The following SLC24A2 variants were observed in gnomAD, a reference collection of about 807,000 sequenced individuals.
SLC24A2 encodes solute carrier family 24 member 2, also known as sodium/potassium/calcium exchanger 2.
In SLC24A2, 36 loss-of-function variants were observed where a neutral mutation model predicts 62.0. The ratio of observed to expected loss-of-function variants is 0.58; its 90% CI spans 0.44 to 0.77. The LOEUF is 0.77. Among genes scored for constraint, SLC24A2 ranks in the 30% least tolerant of loss-of-function variants. The probability of loss-of-function intolerance (pLI) is 0.00; values close to 1 mark genes in which losing one functional copy is unlikely to be tolerated. For synonymous variants in SLC24A2, 358 were observed against 294.0 expected (o/e 1.22, Z -2.23); for missense variants, 846 against 817.9 (o/e 1.03, Z -0.42).
the SLC24A2 span, among the ~76,000 whole-genome samples, chr9:19,829,587 T>C: frequency 6.6e-6 from 1 of 151,614 alleles, no homozygotes; most frequent in African/African-American, 2.4e-5. Flanking sequence ...AACTATAAGC[T>C]GGGCATCGTG....
At chr9:19,776,773 T>C (rs566663036) in intron 2 of SLC24A2, among the ~76,000 whole-genome samples, 1 of 152,350 alleles carries the variant, frequency 6.6e-6, no homozygotes, top group South Asian at 2.1e-4. Flanking sequence ...GTCTTCTGTT[T>C]AGGGTGAATG....
At chr9:19,641,263 C>T (rs1432994608) in intron 2 of SLC24A2, among the ~76,000 whole-genome samples, 3 of 152,254 alleles carry the variant, frequency 2.0e-5, no homozygotes, top group Non-Finnish European at 4.4e-5. Context: ...CTTGTGTTCT[C>T]ACACAATCCC....
intron 2 of SLC24A2, among the ~76,000 whole-genome samples, chr9:19,713,260 G>C (rs1172362475): frequency 6.6e-6 from 1 of 152,022 alleles, no homozygotes; most frequent in Non-Finnish European, 1.5e-5. Flanking sequence ...CATTTGTAAA[G>C]TCAAAAGAGA....
chr9:19,792,717 A>AG (rs1460956305), upstream of SLC24A2, among the ~76,000 whole-genome samples: 1 of 151,576 alleles, frequency 6.6e-6, no homozygotes, highest in East Asian at 1.9e-4. Flanking sequence ...TCAAAAAAAA[A>AG]AGATAGGATA....
At chr9:20,258,185 A>G in the SLC24A2 span, among the ~76,000 whole-genome samples, 1 of 152,322 alleles carries the variant, frequency 6.6e-6, no homozygotes, top group East Asian at 1.9e-4. Context: ...TCTTTGCCAA[A>G]TGATTAAATT....
chr9:20,084,286 T>C, the SLC24A2 span, among the ~76,000 whole-genome samples: 2 of 152,228 alleles, frequency 1.3e-5, no homozygotes, highest in Non-Finnish European at 2.9e-5. Flanking sequence ...TGTAGTGGTG[T>C]GCTAGAGTTA....
intron 2 of SLC24A2, among the ~76,000 whole-genome samples, chr9:19,741,584 CT>C (rs1211434222): frequency 6.6e-6 from 1 of 152,160 alleles, no homozygotes; most frequent in Admixed American, 6.5e-5. Context: ...CAGCTGCTTC[CT>C]GCAATTCTAC....
chr9:19,676,724 A>G (rs1819572283), intron 2 of SLC24A2, among the ~76,000 whole-genome samples: 1 of 152,228 alleles, frequency 6.6e-6, no homozygotes, highest in Admixed American at 6.5e-5. Context: ...TGTCACATAA[A>G]AAACGGATAC....
the SLC24A2 span, among the ~76,000 whole-genome samples, chr9:20,179,155 G>A: frequency 1.3e-5 from 2 of 152,126 alleles, no homozygotes; most frequent in South Asian, 2.1e-4. Flanking sequence ...TGGAAGAGAA[G>A]ACCGTAGAAA....
the SLC24A2 span, among the ~76,000 whole-genome samples, chr9:19,839,985 GT>G: frequency 6.6e-6 from 1 of 152,154 alleles, no homozygotes; most frequent in Non-Finnish European, 1.5e-5. Flanking sequence ...TACACTCTGT[GT>G]TGTTTGAACA....
chr9:19,791,485 A>T (rs1169196516), upstream of SLC24A2, among the ~76,000 whole-genome samples: 1 of 152,088 alleles, frequency 6.6e-6, no homozygotes, highest in East Asian at 1.9e-4. Context: ...GGGAGTGACT[A>T]CTCCTACACA....
At chr9:20,296,596 C>T in the SLC24A2 span, among the ~76,000 whole-genome samples, 1 of 152,240 alleles carries the variant, frequency 6.6e-6, no homozygotes, top group South Asian at 2.1e-4. Flanking sequence ...CCTCTCTTTG[C>T]ACATCTGCAT....
At chr9:20,048,823 A>G in the SLC24A2 span, among the ~76,000 whole-genome samples, 1 of 152,038 alleles carries the variant, frequency 6.6e-6, no homozygotes, top group Non-Finnish European at 1.5e-5. Context: ...ATCTTCCCAG[A>G]AAAATTTAGA....
At chr9:20,036,608 T>C in the SLC24A2 span, among the ~76,000 whole-genome samples, 1 of 152,206 alleles carries the variant, frequency 6.6e-6, no homozygotes, top group Non-Finnish European at 1.5e-5. Context: ...GCGTCTGTCT[T>C]ATTTCACTTA....
the SLC24A2 span, among the ~76,000 whole-genome samples, chr9:19,826,810 A>G: frequency 6.6e-6 from 1 of 152,128 alleles, no homozygotes; most frequent in Non-Finnish European, 1.5e-5. Context: ...AGGGAATGCA[A>G]ACACTCAAAC....
intron 7 of SLC24A2, among the ~76,000 whole-genome samples, chr9:19,569,113 G>C (rs1242956190): frequency 6.6e-6 from 1 of 152,128 alleles, no homozygotes; most frequent in African/African-American, 2.4e-5. Flanking sequence ...AACTAAGGAT[G>C]GGCAAACGTT....
At chr9:19,783,344 T>C (rs936681103) in intron 2 of SLC24A2, among the ~76,000 whole-genome samples, 16 of 152,250 alleles carry the variant, frequency 1.1e-4, no homozygotes, top group Admixed American at 9.8e-4. Context: ...CATGAAAACA[T>C]GCTTAGTATT....
At chr9:19,913,280 T>C in the SLC24A2 span, among the ~76,000 whole-genome samples, 1 of 152,188 alleles carries the variant, frequency 6.6e-6, no homozygotes, top group East Asian at 1.9e-4. Context: ...ATACCAGTCA[T>C]TTTTTTGTTT....
At chr9:20,106,885 A>G in the SLC24A2 span, among the ~76,000 whole-genome samples, 39 of 152,278 alleles carry the variant, frequency 2.6e-4, no homozygotes, top group African/African-American at 9.1e-4. Flanking sequence ...AGGGTATTCA[A>G]TTAGGAAAAG....
Sources: allele counts gnomAD v4.1 joint callset (sites outside exome capture counted in the v4.1 genomes callset), GRCh38; gene constraint gnomAD v4.1.1; transcripts MANE v1.5; gene names NCBI Gene and HGNC (gene_info 2026-07-23, HGNC 2026-07-21).